Variants in CAMK2G observed in about 807,000 individuals in gnomAD.
The protein encoded by CAMK2G is calcium/calmodulin-dependent protein kinase type II subunit gamma.
CAMK2G carries 23 observed loss-of-function variants against 88.7 expected under a neutral mutation model. The ratio of observed to expected loss-of-function variants is 0.26; its 90% CI spans 0.19 to 0.37. The LOEUF is 0.37. Among genes scored for constraint, CAMK2G ranks in the 10% least tolerant of loss-of-function variants. CAMK2G has a pLI of 1.00. For missense variants in CAMK2G, 476 were observed against 780.8 expected (o/e 0.61, Z 4.65); for synonymous variants, 263 against 294.8 (o/e 0.89, Z 1.11).
intron 18 of CAMK2G, among the ~76,000 whole-genome samples, chr10:73,819,913 G>T (rs954948357): frequency 2.0e-5 from 3 of 152,172 alleles, no homozygotes; most frequent in African/African-American, 7.2e-5. Context: ...GCCTGTCCAA[G>T]GACCCCTGAT....
chr10:73,854,251 G>A (rs541852758), intron 3 of CAMK2G, among the ~76,000 whole-genome samples: 300 of 152,236 alleles, frequency 2.0e-3, no homozygotes, highest in Admixed American at 4.9e-3. Context: ...AAGAAGACTC[G>A]GGCGATGCAC....
intron 20 of CAMK2G, 116 bp from the exon 21 acceptor site, chr10:73,817,233 G>A: frequency 2.9e-6 from 4 of 1,395,530 alleles, no homozygotes; most frequent in Non-Finnish European, 3.9e-6. Flanking sequence ...TGCCAGACAA[G>A]ACAGCAAAGA....
chr10:73,855,654 A>G (rs1311189777), intron 3 of CAMK2G, among the ~76,000 whole-genome samples: 2 of 152,258 alleles, frequency 1.3e-5, no homozygotes, highest in Non-Finnish European at 1.5e-5. Context: ...CTTCTCCAGG[A>G]AGGCCACACA....
At position 73,812,886 on chromosome 10, in the gene CAMK2G, G is replaced by A. The variant is rs1170888530; in HGVS notation, c.*1632C>T. 6.5e-6 allele frequency: 1 copy of A among 152,728 alleles called. No homozygotes were observed. The highest frequency in any genetic ancestry group is 1.5e-5 in the Non-Finnish European group (1 of 68,068). 9.5% of individuals were successfully genotyped at this position (152,728 alleles called of 1,614,324 possible). On this transcript the variant is annotated 3_prime_UTR_variant, in exon 23 of 23. Coordinates refer to ENST00000423381, the MANE Select transcript of CAMK2G (RefSeq NM_001367534.1). ...GGAAAGGGCTAGGGCCCAGGGGCTG[G>A]GACATGCATGAGGTGCTCGGAGGAG... is the stretch of plus-strand genomic sequence containing the variant.
At chr10:73,859,269 C>A (rs1011802779) in intron 3 of CAMK2G, among the ~76,000 whole-genome samples, 14 of 152,210 alleles carry the variant, frequency 9.2e-5, no homozygotes, top group Non-Finnish European at 1.5e-4. Flanking sequence ...CAGTGGCCAG[C>A]GGGCTGCAGG....
intron 6 of CAMK2G, 26 bp downstream of exon 6, chr10:73,849,235 G>A (rs1357795844): frequency 1.2e-6 from 2 of 1,603,118 alleles, no homozygotes; most frequent in Admixed American, 1.7e-5. Context: ...CATGAGCAGA[G>A]GCACGGAGGG....
At chr10:73,846,270 C>T (rs1565373103) in intron 10 of CAMK2G, 1 of 152,342 alleles carries the variant, frequency 6.6e-6, no homozygotes, top group East Asian at 1.9e-4. Flanking sequence ...AACCAAACAA[C>T]TCAACATTCC....
At chr10:73,825,371 T>G in intron 15 of CAMK2G, 24 bp from the exon 16 acceptor site, 1 of 1,600,440 alleles carries the variant, frequency 6.2e-7, no homozygotes, top group Middle Eastern at 1.7e-4. Context: ...ACAGATGGTT[T>G]AGTTCCTCCA....
At chr10:73,844,207 TCTCAGCCTCCCAAGTAG>T (rs1238929467) in intron 10 of CAMK2G, among the ~76,000 whole-genome samples, 1 of 151,320 alleles carries the variant, frequency 6.6e-6, no homozygotes, top group Non-Finnish European at 1.5e-5. Flanking sequence ...GATCCTCTCA[TCTCAGCCTCCCAAGTAG>T]CTAAGGCACG....
intron 14 of CAMK2G, among the ~76,000 whole-genome samples, chr10:73,830,307 TCTATTGCC>T (rs1334575186): frequency 1.3e-5 from 2 of 152,184 alleles, no homozygotes; most frequent in Admixed American, 1.3e-4. Flanking sequence ...AAGGTCTTGC[TCTATTGCC>T]CGGGCTGAAG....
Position 73,817,508 on chromosome 10 carries a change from G to A in CAMK2G, c.1410C>T (p.Ala470=), listed in dbSNP as rs917546914. 6.2e-7 allele frequency: 1 copy of A among 1,613,124 alleles called. No homozygotes were observed. The highest frequency in any genetic ancestry group is 8.5e-7 in the Non-Finnish European group (1 of 1,179,102). The change falls in exon 20 of 23, where the codon GCC becomes GCT. Residue 470 remains alanine (A), a synonymous_variant. Transcript: ENST00000423381. ...IIKITEQLIE[A]INNGDFEAYT... ...AGGCCTCAAAGTCCCCATTGTTGAT[G>A]GCTTCAATCAGCTGTTCTGTAATCT...
chr10:73,845,475 G>A (rs1039270657), intron 10 of CAMK2G, among the ~76,000 whole-genome samples: 15 of 151,774 alleles, frequency 9.9e-5, no homozygotes, highest in Admixed American at 7.2e-4. Flanking sequence ...CCAGCTACTC[G>A]GGAGGCTGAG....
At chr10:73,822,081 C>T (rs975143865) in intron 17 of CAMK2G, among the ~76,000 whole-genome samples, 7 of 152,244 alleles carry the variant, frequency 4.6e-5, no homozygotes, top group Non-Finnish European at 7.3e-5. Context: ...TGCACAGCTA[C>T]AACCTGACTC....
At chr10:73,873,912 C>T (rs2095962036) in intron 1 of CAMK2G, among the ~76,000 whole-genome samples, 2 of 20,728 alleles carry the variant, frequency 9.6e-5, no homozygotes, top group African/African-American at 2.2e-4. Context: ...TGCCCAGCCG[C>T]GGGGCTGGGA....
intron 2 of CAMK2G, among the ~76,000 whole-genome samples, chr10:73,871,877 C>CCGTG (rs1243864726): frequency 3.9e-5 from 6 of 152,112 alleles, no homozygotes; most frequent in African/African-American, 1.2e-4. Context: ...CGACAGAAGC[C>CCGTG]CGTGGAATTG....
At chr10:73,873,923 G>A (rs1284866839) in intron 1 of CAMK2G, among the ~76,000 whole-genome samples, 2 of 124,752 alleles carry the variant, frequency 1.6e-5, no homozygotes, top group Non-Finnish European at 3.4e-5. Flanking sequence ...GGGGCTGGGA[G>A]CCTGGAGCGG....
At chr10:73,873,551 G>C (rs2095923250) in intron 1 of CAMK2G, 1 of 995,362 alleles carries the variant, frequency 1.0e-6, no homozygotes. Flanking sequence ...CTCAACCATG[G>C]GGCAAAGTGA....
intron 1 of CAMK2G, chr10:73,873,400 TCA>T (rs1484620183): frequency 1.6e-6 from 2 of 1,231,470 alleles, no homozygotes; most frequent in Non-Finnish European, 2.1e-6. Context: ...CTGCTGCATC[TCA>T]GACAGCCCTG....
intron 1 of CAMK2G, chr10:73,873,325 C>G: frequency 7.4e-7 from 1 of 1,358,610 alleles, no homozygotes; most frequent in East Asian, 2.8e-5. Flanking sequence ...AGTCCCTGGG[C>G]AAGGCAACAG....
Sources: gnomAD v4.1 joint callset for allele counts (sites outside exome capture counted in the v4.1 genomes callset) on GRCh38, gnomAD v4.1.1 for gene constraint, MANE v1.5 for transcripts, NCBI Gene and HGNC (gene_info 2026-07-23, HGNC 2026-07-21) for gene names.